The following RPF2 variants were observed in gnomAD, a reference collection of about 807,000 sequenced individuals.
RPF2 encodes the protein ribosome production factor 2 homolog.
A neutral mutation model predicts 38.9 loss-of-function variants in RPF2; 21 were observed. That is an observed-to-expected ratio of 0.54 (90% CI 0.38 to 0.78). The LOEUF (loss-of-function observed/expected upper bound fraction) is 0.78. RPF2 is among the 30% of genes least tolerant of loss of function. The pLI is 0.00. For missense variants in RPF2, 314 were observed against 358.1 expected (o/e 0.88, Z 0.99); for synonymous variants, 121 against 126.2 (o/e 0.96, Z 0.28).
At position 111,015,860 on chromosome 6, in the gene RPF2, A is replaced by C; in HGVS notation, c.596+4A>C. ...AGATTTACTTTCGAAGCTATAAGTA[A>C]GTGCATTTCTTCACATATTTTCTTA... On this transcript the variant is annotated splice_donor_region_variant and intron_variant, in intron 8 of 9. Coordinates refer to ENST00000441448, the MANE Select transcript of RPF2 (RefSeq NM_032194.3). 2.5e-6 allele frequency: 4 copies of C among 1,576,918 alleles called. No homozygotes were observed. The South Asian group carries it at 4.4e-5, about 17-fold the overall frequency.
intron 7 of RPF2, among the ~76,000 whole-genome samples, chr6:111,012,162 AT>A (rs570516659): frequency 0.021 from 2,387 of 115,526 alleles, 21 homozygotes; most frequent in African/African-American, 0.024. Flanking sequence ...TGTTTACATC[AT>A]TTTTTTTTTT....
At chr6:111,022,922 G>T (rs540134671) in intron 8 of RPF2, among the ~76,000 whole-genome samples, 2 of 152,230 alleles carry the variant, frequency 1.3e-5, no homozygotes, top group Non-Finnish European at 2.9e-5. Context: ...TTTTTGAGAC[G>T]GAGTCTCGCC....
chr6:111,007,358 C>G (rs144432011), intron 6 of RPF2, among the ~76,000 whole-genome samples: 17 of 152,142 alleles, frequency 1.1e-4, no homozygotes, highest in African/African-American at 4.1e-4. Flanking sequence ...CTTTTGCCAT[C>G]TTTTATTTGG....
rs1554247818 is a variant in RPF2 at position 110,994,727 on chromosome 6, G to GTGTATATATATA, written c.235-2455_235-2454insGTATATATATAT. 1.0e-4 allele frequency among the ~76,000 whole-genome samples: 11 copies of GTGTATATATATA among 107,400 alleles called. No individual in the cohort carries two copies. In the East Asian group the frequency reaches 2.8e-3, roughly 27 times the overall value. 70.5% of individuals were successfully genotyped at this position (107,400 alleles called of 152,430 possible). ...GCAGACTTTGTGGAGAATGGGATGA[G>GTGTATATATATA]TATATATACACACACACACACACAC... On this transcript the variant is annotated intron_variant, in intron 4 of 9. Transcript: ENST00000441448.
At chr6:111,021,064 G>C (rs569753748) in intron 8 of RPF2, among the ~76,000 whole-genome samples, 1 of 152,208 alleles carries the variant, frequency 6.6e-6, no homozygotes, top group African/African-American at 2.4e-5. Context: ...AGCTATTCAG[G>C]GGGCCAAGGC....
intron 6 of RPF2, among the ~76,000 whole-genome samples, chr6:111,007,393 A>AT (rs896253528): frequency 1.1e-4 from 16 of 150,308 alleles, no homozygotes; most frequent in African/African-American, 2.4e-4. Flanking sequence ...GGAACAAATA[A>AT]TTTTTTTTTT....
chr6:111,005,242 TGGTCCTAGGGCAGAG>T (rs1157852048), intron 6 of RPF2, among the ~76,000 whole-genome samples: 1 of 152,200 alleles, frequency 6.6e-6, no homozygotes, highest in Admixed American at 6.6e-5. Context: ...AGGTGACCTC[TGGTCCTAGGGCAGAG>T]GGTGTTTGGT....
chr6:111,021,031 T>C (rs1772222925), intron 8 of RPF2, among the ~76,000 whole-genome samples: 1 of 151,838 alleles, frequency 6.6e-6, no homozygotes, highest in Non-Finnish European at 1.5e-5. Context: ...TAGCTGGACA[T>C]GGTGGCGCAT....
At chr6:110,996,359 A>G (rs539904384) in intron 4 of RPF2, among the ~76,000 whole-genome samples, 1 of 151,816 alleles carries the variant, frequency 6.6e-6, no homozygotes, top group East Asian at 2.0e-4. Context: ...TTTTATTTTT[A>G]GTAGAGACAG....
chr6:111,014,574 G>T (rs891639675), intron 7 of RPF2, among the ~76,000 whole-genome samples: 2 of 152,216 alleles, frequency 1.3e-5, no homozygotes, highest in East Asian at 3.8e-4. Flanking sequence ...AATGGGACTA[G>T]AACAGAATTT....
chr6:111,024,147 G>T, intron 8 of RPF2, 36 bp from the exon 9 acceptor site: 7 of 1,550,672 alleles, frequency 4.5e-6, no homozygotes, highest in Non-Finnish European at 6.1e-6. Flanking sequence ...TTTTATGAAA[G>T]TCAAAGCAAC....
chr6:110,998,468 C>T (rs1295002965), intron 5 of RPF2, among the ~76,000 whole-genome samples: 1 of 151,710 alleles, frequency 6.6e-6, no homozygotes, highest in Non-Finnish European at 1.5e-5. Flanking sequence ...CTTGGCCTCC[C>T]AAAGGGCTGG....
chr6:111,007,764 A>T (rs1057513035), intron 6 of RPF2, among the ~76,000 whole-genome samples: 1 of 151,812 alleles, frequency 6.6e-6, no homozygotes, highest in Non-Finnish European at 1.5e-5. Context: ...AACCAGCATG[A>T]TGAAACCCAG....
intron 7 of RPF2, among the ~76,000 whole-genome samples, chr6:111,014,928 A>T (rs901282378): frequency 1.3e-5 from 2 of 152,094 alleles, no homozygotes; most frequent in African/African-American, 4.8e-5. Context: ...AGTAGCTGGG[A>T]CTACAACCTG....
intron 4 of RPF2, among the ~76,000 whole-genome samples, chr6:110,992,351 C>T (rs1167090735): frequency 6.6e-6 from 1 of 151,430 alleles, no homozygotes; most frequent in Non-Finnish European, 1.5e-5. Flanking sequence ...ATTTAAAGGA[C>T]ATAATGAATT....
At chr6:111,023,959 G>T (rs920420462) in intron 8 of RPF2, among the ~76,000 whole-genome samples, 8 of 151,826 alleles carry the variant, frequency 5.3e-5, no homozygotes, top group African/African-American at 1.9e-4. Context: ...CTGCACTCCA[G>T]CCTGGGGACA....
intron 9 of RPF2, among the ~76,000 whole-genome samples, chr6:111,024,616 G>T (rs1332812252): frequency 3.3e-5 from 5 of 151,740 alleles, no homozygotes; most frequent in Non-Finnish European, 7.4e-5. Flanking sequence ...GGGAGGCTGA[G>T]GCAGGAGAAT....
chr6:110,992,906 G>T (rs1771644446), intron 4 of RPF2, among the ~76,000 whole-genome samples: 1 of 152,074 alleles, frequency 6.6e-6, no homozygotes, highest in African/African-American at 2.4e-5. Context: ...GCGAGACCCT[G>T]TCTCTATTTA....
At chr6:110,996,072 C>G (rs951086660) in intron 4 of RPF2, among the ~76,000 whole-genome samples, 23 of 151,866 alleles carry the variant, frequency 1.5e-4, no homozygotes, top group Non-Finnish European at 8.8e-5. Flanking sequence ...CCTACCTCAG[C>G]CTTCCAAAGT....
Sources: gnomAD v4.1 joint callset for allele counts (sites outside exome capture counted in the v4.1 genomes callset) on GRCh38, gnomAD v4.1.1 for gene constraint, MANE v1.5 for transcripts, NCBI Gene and HGNC (gene_info 2026-07-23, HGNC 2026-07-21) for gene names.